The following GPC5 variants were observed in gnomAD, a reference collection of about 807,000 sequenced individuals.
GPC5 encodes the protein glypican-5.
In GPC5, 47 loss-of-function variants were observed where a neutral mutation model predicts 53.9. The ratio of observed to expected loss-of-function variants is 0.87; its 90% confidence interval spans 0.69 to 1.11. The LOEUF (loss-of-function observed/expected upper bound fraction) is 1.11, where lower values mean the gene tolerates loss of function less well. GPC5 is among the 50% of genes most tolerant of loss of function. The probability of loss-of-function intolerance (pLI) is 0.00; values close to 1 mark genes in which losing one functional copy is unlikely to be tolerated. For synonymous variants in GPC5, 286 were observed against 263.3 expected, an observed-to-expected ratio of 1.09 and a Z score of -0.84; for missense variants, 748 against 713.1, an observed-to-expected ratio of 1.05 and a Z score of -0.56.
chr13:92,208,266 G>A (rs2042351643), intron 7 of GPC5, among the ~76,000 whole-genome samples: 1 of 152,218 alleles, frequency 6.6e-6, no homozygotes, highest in South Asian at 2.1e-4. Context: ...TAAATTTCCA[G>A]AGTGATTTCC....
intron 5 of GPC5, among the ~76,000 whole-genome samples, chr13:91,816,764 G>T (rs2038406369): frequency 6.6e-6 from 1 of 152,124 alleles, no homozygotes; most frequent in Non-Finnish European, 1.5e-5. Flanking sequence ...AGCTGTGAAG[G>T]ATTTCCCCTG....
At chr13:91,736,756 A>T (rs1367460152) in intron 4 of GPC5, among the ~76,000 whole-genome samples, 1 of 151,348 alleles carries the variant, frequency 6.6e-6, no homozygotes, top group Non-Finnish European at 1.5e-5. Flanking sequence ...AAATTACAAC[A>T]AATTTAGTTG....
Position 91,399,206 on chromosome 13 carries a change from G to A in GPC5, c.160G>A (p.Ala54Thr), listed in dbSNP as rs1483462626. ...AVRGLPDSPR[A>T]GPDLQVCISK... ...CAGGGGGCTGCCGGATTCGCCGCGG[G>A]CAGGTAAGGGGCAATGAGGGGGTCT... The change falls in exon 1 of 8, where the codon GCA becomes ACA. Residue 54 changes from alanine to threonine, a missense_variant. By Grantham distance (58) the Ala-to-Thr change is moderately conservative. Transcript: ENST00000377067. The A allele has an allele frequency of 3.1e-6, 5 of 1,611,646 alleles. No individual in the cohort carries two copies. The highest frequency in any genetic ancestry group is 2.2e-5 in the South Asian group (2 of 90,858).
chr13:92,591,650 A>T (rs894813789), intron 7 of GPC5, among the ~76,000 whole-genome samples: 64 of 152,256 alleles, frequency 4.2e-4, no homozygotes, highest in African/African-American at 1.5e-3. Flanking sequence ...ATATATCATC[A>T]TTAGTTATAG....
chr13:91,981,928 A>G (rs1247159142), intron 6 of GPC5, among the ~76,000 whole-genome samples: 2 of 152,196 alleles, frequency 1.3e-5, no homozygotes, highest in Non-Finnish European at 2.9e-5. Context: ...GAATGATGAG[A>G]GGCTGGAACA....
intron 7 of GPC5, among the ~76,000 whole-genome samples, chr13:92,171,462 C>T (rs1046690803): frequency 1.3e-5 from 2 of 152,182 alleles, no homozygotes; most frequent in African/African-American, 4.8e-5. Flanking sequence ...CACACACTTC[C>T]TGAAATAGTT....
At chr13:92,522,593 G>A (rs553113428) in intron 7 of GPC5, among the ~76,000 whole-genome samples, 26 of 152,102 alleles carry the variant, frequency 1.7e-4, no homozygotes, top group Non-Finnish European at 3.7e-4. Flanking sequence ...ACAGGAAGGG[G>A]AACATCACAC....
intron 6 of GPC5, among the ~76,000 whole-genome samples, chr13:91,970,949 A>C (rs2040236092): frequency 2.0e-5 from 3 of 152,200 alleles, no homozygotes; most frequent in Non-Finnish European, 2.9e-5. Flanking sequence ...TGTCTCTGCC[A>C]GGCTTTGGTA....
rs560532044 is a variant in GPC5 at position 92,225,422 on chromosome 13, T to A, written c.1561+80433T>A. Among the ~76,000 whole-genome samples the A allele has an allele frequency of 2.1e-4, 32 of 152,302 alleles. 1 individual carries two copies. In the Middle Eastern group the frequency reaches 0.014, roughly 65 times the overall value. ...CACATTAAGTGGTTTTTGATAAGAA[T>A]GCCATTAAAATAGATGTGACTTTGT... On this transcript the variant is annotated intron_variant, in intron 7 of 7. Transcript: ENST00000377067.
intron 6 of GPC5, among the ~76,000 whole-genome samples, chr13:92,128,436 CTTCCTCAGAATATGTTGGT>C (rs1292514538): frequency 6.6e-6 from 1 of 152,234 alleles, no homozygotes; most frequent in East Asian, 1.9e-4. Flanking sequence ...TTTTAAGCTG[CTTCCTCAGAATATGTTGGT>C]TGAAATCTAC....
At chr13:91,518,162 G>A (rs1244894992) in intron 2 of GPC5, among the ~76,000 whole-genome samples, 1 of 152,270 alleles carries the variant, frequency 6.6e-6, no homozygotes, top group East Asian at 1.9e-4. Context: ...AAGCTTAACT[G>A]TTTTAAGAAA....
In GPC5 at chr13:91,860,490, C is replaced by CTCTT. The variant is rs543950422; in HGVS notation, c.1281-47430_1281-47427dup. 1.6e-4 allele frequency among the ~76,000 whole-genome samples: 16 copies of CTCTT among 98,732 alleles called. 1 individual carries two copies. The highest frequency in any genetic ancestry group is 5.6e-4 in the South Asian group (2 of 3,554). 64.8% of individuals were successfully genotyped at this position (98,732 alleles called of 152,430 possible). ...CCTTCCTGCCTTCCTTCCTTCCTTC[C>CTCTT]TCTTTCTTTCTTTCTTTCTTCTTTT... On this transcript the variant is annotated intron_variant, in intron 5 of 7. Coordinates refer to ENST00000377067, the MANE Select transcript of GPC5 (RefSeq NM_004466.6).
chr13:91,736,455 T>C (rs1020280715), intron 4 of GPC5, among the ~76,000 whole-genome samples: 6 of 151,362 alleles, frequency 4.0e-5, no homozygotes, highest in Admixed American at 2.0e-4. Flanking sequence ...TGCCATCTCA[T>C]ATGCTGAATG....
intron 7 of GPC5, among the ~76,000 whole-genome samples, chr13:92,434,199 C>T (rs1270747288): frequency 1.3e-5 from 2 of 152,112 alleles, no homozygotes; most frequent in Non-Finnish European, 2.9e-5. Flanking sequence ...GGGTTATTCA[C>T]AGTGGCCAAC....
intron 7 of GPC5, among the ~76,000 whole-genome samples, chr13:92,672,937 A>G (rs1039925227): frequency 6.6e-6 from 1 of 152,166 alleles, no homozygotes; most frequent in African/African-American, 2.4e-5. Context: ...AATGGGTGAT[A>G]GGCTTGATAT....
At chr13:91,508,824 T>G (rs1415611906) in intron 2 of GPC5, among the ~76,000 whole-genome samples, 1 of 152,152 alleles carries the variant, frequency 6.6e-6, no homozygotes, top group Non-Finnish European at 1.5e-5. Flanking sequence ...TCACAGCCAT[T>G]CCATAAATTT....
chr13:92,609,325 G>T (rs1266657350), intron 7 of GPC5, among the ~76,000 whole-genome samples: 2 of 152,066 alleles, frequency 1.3e-5, no homozygotes, highest in Middle Eastern at 3.2e-3. Flanking sequence ...GAATACATAG[G>T]TGATGACACT....
At chr13:92,274,775 A>G (rs2042863914) in intron 7 of GPC5, among the ~76,000 whole-genome samples, 1 of 152,162 alleles carries the variant, frequency 6.6e-6, no homozygotes, top group African/African-American at 2.4e-5. Flanking sequence ...GAGTGAGTTT[A>G]TTAGCCAAAC....
chr13:92,660,882 T>C (rs993691060), intron 7 of GPC5, among the ~76,000 whole-genome samples: 3 of 152,074 alleles, frequency 2.0e-5, no homozygotes, highest in South Asian at 2.1e-4. Context: ...AACTAAAGAA[T>C]TGAATTTTTA....
Sources: allele counts gnomAD v4.1 joint callset (sites outside exome capture counted in the v4.1 genomes callset), GRCh38; gene constraint gnomAD v4.1.1; transcripts MANE v1.5; gene names NCBI Gene and HGNC (gene_info 2026-07-23, HGNC 2026-07-21).